The following ADAMTS7 variants were observed in gnomAD, a reference collection of about 807,000 sequenced individuals.
The protein encoded by ADAMTS7 is A disintegrin and metalloproteinase with thrombospondin motifs 7.
A neutral mutation model predicts 172.6 loss-of-function variants in ADAMTS7; 89 were observed. The observed-to-expected ratio is 0.52, with a 90% CI of 0.43 to 0.61. The LOEUF (loss-of-function observed/expected upper bound fraction) is 0.61, where lower values mean the gene tolerates loss of function less well. ADAMTS7 is among the 20% of genes least tolerant of loss of function. ADAMTS7 has a pLI of 0.00. For missense variants in ADAMTS7, 1,973 were observed against 2,355.6 expected (o/e 0.84, Z 3.36); for synonymous variants, 885 against 978.4 (o/e 0.90, Z 1.78).
At chr15:78,799,939 G>A (rs564066994) in intron 2 of ADAMTS7, among the ~76,000 whole-genome samples, 1 of 150,686 alleles carries the variant, frequency 6.6e-6, no homozygotes, top group Admixed American at 6.6e-5. Context: ...TGATCCTTTC[G>A]CCTCAGCCTC....
chr15:78,791,672 C>T (rs1284281491), intron 4 of ADAMTS7, among the ~76,000 whole-genome samples: 6 of 152,236 alleles, frequency 3.9e-5, no homozygotes, highest in Admixed American at 3.9e-4. Context: ...ATGCCAGGAC[C>T]AGCATCCCAG....
intron 8 of ADAMTS7, among the ~76,000 whole-genome samples, chr15:78,782,623 A>G (rs2055443700): frequency 6.6e-6 from 1 of 152,194 alleles, no homozygotes; most frequent in Non-Finnish European, 1.5e-5. Context: ...TGTCAACAAG[A>G]TTCTGGAAGC....
At chr15:78,800,777 TTTTG>T (rs1008188527) in intron 1 of ADAMTS7, among the ~76,000 whole-genome samples, 33 of 152,330 alleles carry the variant, frequency 2.2e-4, no homozygotes, top group African/African-American at 5.3e-4. Context: ...GTTTTGGGTT[TTTTG>T]TTTGTTTGTT....
chr15:78,785,546 C>CA lies in ADAMTS7; in HGVS notation c.1322+2684dup, dbSNP rs58203887. On this transcript the variant is annotated intron_variant, in intron 8 of 23. Coordinates refer to ENST00000388820, the MANE Select transcript of ADAMTS7 (RefSeq NM_014272.5). ...CTGGAGCAGCAGAGTGAGAGTCTCT[C>CA]AAAAAAAAAAAAAAAAAGAAAAGAA... Among the ~76,000 whole-genome samples the CA allele has an allele frequency of 2.7e-3, 333 of 124,548 alleles. 4 individuals carry two copies. Among genetic ancestry groups the CA allele is most frequent in the African/African-American group, 5.6e-3 (169 of 30,078 alleles). 81.7% of individuals were successfully genotyped at this position (124,548 alleles called of 152,430 possible). A position where few individuals can be genotyped will look rare whatever the true frequency, so the allele number is the denominator to read the frequency against.
chr15:78,764,684 A>G lies in ADAMTS7; in HGVS notation c.4290T>C (p.Gly1430=). The change falls in exon 20 of 24, where the codon GGT becomes GGC. Residue 1430 remains glycine (G), a synonymous_variant. Coordinates refer to ENST00000388820, the MANE Select transcript of ADAMTS7 (RefSeq NM_014272.5). The stretch of plus-strand genomic sequence containing the variant: ...TACAGCGCACCGGCCTCCAGACCGC[A>G]CCCAGGCCACAGGTGGTAGAGCACT... ...WSECSTTCGL[G]AVWRPVRCSS... is the part of the protein sequence containing the mutation. 1 of 1,556,206 alleles carries G rather than the reference A, an allele frequency of 6.4e-7. No homozygotes were observed. Among genetic ancestry groups the G allele is most frequent in the South Asian group, 1.2e-5 (1 of 84,138 alleles).
At chr15:78,765,597 A>C in intron 19 of ADAMTS7, 48 bp downstream of exon 19, 3 of 1,600,892 alleles carry the variant, frequency 1.9e-6, no homozygotes, top group East Asian at 2.3e-5. Context: ...GGAAATAGTC[A>C]CCAAGGTCCT....
Position 78,787,158 on chromosome 15 carries a change from C to G in ADAMTS7, c.1322+1073G>C, listed in dbSNP as rs76808090. ...AGGCTATTAGCAGTTTTGGGCGAGT[C>G]GAAAGTTATACATGGATTTTCAATT... On this transcript the variant is annotated intron_variant, in intron 8 of 23. Coordinates refer to ENST00000388820, the MANE Select transcript of ADAMTS7 (RefSeq NM_014272.5). Among the ~76,000 whole-genome samples the G allele has an allele frequency of 7.3e-3, 1,103 of 152,048 alleles. 13 individuals carry two copies. Among genetic ancestry groups the G allele is most frequent in the African/African-American group, 0.025 (1,031 of 41,468 alleles).
chr15:78,788,191 C>A (rs370567144), intron 8 of ADAMTS7, 40 bp downstream of exon 8: 4 of 1,608,896 alleles, frequency 2.5e-6, no homozygotes, highest in Non-Finnish European at 3.4e-6. Context: ...ACCTTGACCT[C>A]ATGGATCAAG....
intron 23 of ADAMTS7, 95 bp from the exon 24 acceptor site, chr15:78,759,673 C>G: frequency 7.4e-7 from 1 of 1,356,724 alleles, no homozygotes; most frequent in Admixed American, 3.1e-5. Flanking sequence ...GCTCCAGCAG[C>G]TCCCCACCAA....
intron 1 of ADAMTS7, among the ~76,000 whole-genome samples, chr15:78,807,911 GT>G (rs1226311054): frequency 6.6e-6 from 1 of 151,250 alleles, no homozygotes; most frequent in Admixed American, 6.6e-5. Flanking sequence ...CTGGAGTGCA[GT>G]GATGCGATCG....
In ADAMTS7 at chr15:78,762,496, G is replaced by A. The variant is rs146171644; in HGVS notation, c.4810C>T (p.Pro1604Ser). 37 of 1,589,882 alleles carry A rather than the reference G, an allele frequency of 2.3e-5. No individual in the cohort carries two copies. In the South Asian group the frequency reaches 3.8e-4, roughly 17 times the overall value. Residue 1604 changes from proline to serine, a missense_variant, in exon 23 of 24, where the codon CCC becomes TCC. By Grantham distance (74) the Pro-to-Ser change is moderately conservative. Around this residue, in one of 8 missense-constraint regions of ADAMTS7, gnomAD observed 42 missense variants for 78.3 expected, o/e 0.54. Transcript: ENST00000388820. Reference sequence around the variant, plus strand: ...CCACACTGGTCACTGTCTTCCTCGGGCAGCCCTGTCTGGGTGTTGACACAC... The same window carrying A: ...CCACACTGGTCACTGTCTTCCTCGGACAGCCCTGTCTGGGTGTTGACACAC... ...VKCVNTQTGLPEEDSDQCGHE... is the reference protein window; with the variant it reads ...VKCVNTQTGLSEEDSDQCGHE...
chr15:78,762,640 A>T (rs2055065456), intron 22 of ADAMTS7, 75 bp from the exon 23 acceptor site: 1 of 1,180,992 alleles, frequency 8.5e-7, no homozygotes, highest in Admixed American at 3.4e-5. Flanking sequence ...CTCCTCTGGG[A>T]AGCCGTCCCT....
chr15:78,770,744 C>T (rs990219931), intron 16 of ADAMTS7: 2 of 175,566 alleles, frequency 1.1e-5, no homozygotes, highest in African/African-American at 4.9e-5. Flanking sequence ...GGGGAGGAGA[C>T]AGAGAGAGAG....
At position 78,762,463 on chromosome 15, in the gene ADAMTS7, C is replaced by G; in HGVS notation, c.4843G>C (p.Ala1615Pro). Residue 1615 changes from alanine (A) to proline (P), a missense_variant, in exon 23 of 24, where the codon GCC becomes CCC. By Grantham distance (27) the Ala-to-Pro change is conservative (BLOSUM62 -1). Around this residue, in one of 8 missense-constraint regions of ADAMTS7, gnomAD observed 42 missense variants for 78.3 expected, o/e 0.54. Transcript: ENST00000388820. ...EEDSDQCGHE[A>P]WPESSRPCGT... The stretch of plus-strand genomic sequence containing the variant: ...CACGGCCGGGAGCTCTCAGGCCAGG[C>G]CTCGTGGCCACACTGGTCACTGTCT... The G allele has an allele frequency of 6.3e-7, 1 of 1,578,750 alleles. No individual in the cohort carries two copies. Among genetic ancestry groups the G allele is most frequent in the African/African-American group, 1.4e-5 (1 of 73,192 alleles).
chr15:78,811,133 C>T lies in ADAMTS7; in HGVS notation c.88G>A (p.Gly30Arg), dbSNP rs2055860519. ...LLCALAPGAP[G>R]PAPGRATEGR... ...GGCGGACACCCACCTGGTGCGGGTC[C>T]GGGGGCGCCGGGAGCCAGAGCGCAG... The change falls in exon 1 of 24, where the codon GGA (glycine) becomes AGA (arginine). Residue 30 changes from glycine (G) to arginine (R), a missense_variant. By Grantham distance (125) the Gly-to-Arg change is moderately radical. Coordinates refer to ENST00000388820, the MANE Select transcript of ADAMTS7 (RefSeq NM_014272.5). 1.6e-6 allele frequency: 2 copies of T among 1,228,778 alleles called. No homozygotes were observed. Among genetic ancestry groups the T allele is most frequent in the Non-Finnish European group, 2.0e-6 (2 of 986,204 alleles). 76.1% of individuals were successfully genotyped at this position (1,228,778 alleles called of 1,614,324 possible).
intron 8 of ADAMTS7, among the ~76,000 whole-genome samples, chr15:78,780,728 GC>G (rs1397868606): frequency 3.9e-5 from 6 of 152,162 alleles, no homozygotes; most frequent in Non-Finnish European, 7.3e-5. Context: ...TACTCGCATG[GC>G]CCCGGCCTCT....
chr15:78,777,293 A>G, intron 9 of ADAMTS7, 151 bp downstream of exon 9: 5 of 1,166,826 alleles, frequency 4.3e-6, no homozygotes, highest in Non-Finnish European at 5.9e-6. Flanking sequence ...CCTCTCCCAC[A>G]GGCCACTTGA....
chr15:78,800,174 A>C lies in ADAMTS7; in HGVS notation c.456+18T>G. 2 of 1,584,398 alleles carry C rather than the reference A, an allele frequency of 1.3e-6. No individual in the cohort carries two copies. Among genetic ancestry groups the C allele is most frequent in the Non-Finnish European group, 1.7e-6 (2 of 1,171,544 alleles). ...CCACCCGAGACTGCCCCAAGTATAC[A>C]TGTCCCAGCTCACTCACCAGGCCGT... On this transcript the variant is annotated intron_variant, in intron 2 of 23. Coordinates refer to ENST00000388820, the MANE Select transcript of ADAMTS7 (RefSeq NM_014272.5).
Position 78,766,647 on chromosome 15 carries a change from C to T in ADAMTS7, c.3264G>A (p.Leu1088=). Residue 1088 remains leucine (L), a synonymous_variant, in exon 19 of 24, where the codon CTG becomes CTA. Coordinates refer to ENST00000388820, the MANE Select transcript of ADAMTS7 (RefSeq NM_014272.5). ...YGPSEEPDLD[L]AGTGDRTPPP... The stretch of plus-strand genomic sequence containing the variant: ...GGGGTGTCCGGTCCCCTGTCCCCGC[C>T]AGGTCTAGATCGGGCTCCTCAGAGG... 6.2e-7 allele frequency: 1 copy of T among 1,610,486 alleles called. No homozygotes were observed. Among genetic ancestry groups the T allele is most frequent in the Admixed American group, 1.7e-5 (1 of 59,956 alleles).
Sources: gnomAD v4.1 joint callset for allele counts (sites outside exome capture counted in the v4.1 genomes callset) on GRCh38, gnomAD v4.1.1 for gene constraint, gnomAD v4.1.1 regional missense constraint, MANE v1.5 for transcripts, NCBI Gene and HGNC (gene_info 2026-07-23, HGNC 2026-07-21) for gene names.